DLC1: variants seen among roughly 807,000 people sequenced by gnomAD.
DLC1 encodes the protein rho GTPase-activating protein 7.
DLC1 carries 54 observed loss-of-function variants against 140.3 expected under a neutral mutation model. The observed-to-expected ratio is 0.38, with a 90% confidence interval of 0.31 to 0.48. The LOEUF (loss-of-function observed/expected upper bound fraction) is 0.48. Among genes scored for constraint, DLC1 ranks in the 20% least tolerant of loss-of-function variants. The pLI is 0.96. For synonymous variants in DLC1, 986 were observed against 728.1 expected, an observed-to-expected ratio of 1.35 and a Z score of -5.70; for missense variants, 2,536 against 1,907.0, an observed-to-expected ratio of 1.33 and a Z score of -6.14.
chr8:13,248,850 C>A (rs547913351), intron 5 of DLC1, among the ~76,000 whole-genome samples: 1 of 152,276 alleles, frequency 6.6e-6, no homozygotes, highest in South Asian at 2.1e-4. Context: ...ATTAAAGCTG[C>A]AATTCACCTT....
At chr8:13,369,556 GC>G (rs1835640158) in intron 4 of DLC1, among the ~76,000 whole-genome samples, 1 of 152,070 alleles carries the variant, frequency 6.6e-6, no homozygotes, top group Non-Finnish European at 1.5e-5. Flanking sequence ...TCTTCTAGTA[GC>G]TCGGGCAGAA....
intron 5 of DLC1, among the ~76,000 whole-genome samples, chr8:13,179,572 T>C (rs776528521): frequency 6.6e-6 from 1 of 151,690 alleles, no homozygotes; most frequent in Non-Finnish European, 1.5e-5. Context: ...AATATAGAAA[T>C]TAGCTGGGCA....
chr8:13,299,523 C>G (rs1300339087), intron 5 of DLC1, among the ~76,000 whole-genome samples: 4 of 147,446 alleles, frequency 2.7e-5, no homozygotes, highest in Admixed American at 6.8e-5. Context: ...TTCACTTTGC[C>G]TCTCTCTATC....
Position 13,102,836 on chromosome 8 carries a change from T to G in DLC1, c.1520A>C (p.Asn507Thr), listed in dbSNP as rs1267959690. Residue 507 changes from asparagine (N) to threonine (T), a missense_variant, in exon 8 of 18, where the codon AAC becomes ACC. By Grantham distance (65) the Asn-to-Thr change is moderately conservative (BLOSUM62 0). Transcript: ENST00000276297. ...EALCRRLNTL[N>T]KCAVMKLEIS... Reference sequence around the variant, plus strand: ...TTCTAGCTTCATCACCGCACATTTGTTTAAAGTATTTAGACGCCTATAGAG... The same window carrying G: ...TTCTAGCTTCATCACCGCACATTTGGTTAAAGTATTTAGACGCCTATAGAG... The G allele has an allele frequency of 1.2e-6, 2 of 1,614,076 alleles. No homozygotes were observed. The highest frequency in any genetic ancestry group is 2.2e-5 in the South Asian group (2 of 91,070).
In DLC1 at chr8:13,500,165, A is replaced by G; in HGVS notation, c.-94T>C. The G allele has an allele frequency of 8.5e-7, 1 of 1,175,142 alleles. No homozygotes were observed. The highest frequency in any genetic ancestry group is 2.3e-5 in the Admixed American group (1 of 43,444). The allele number at this position is 1,175,142 out of a possible 1,614,324, so 72.8% of individuals were successfully genotyped here. On this transcript the variant is annotated 5_prime_UTR_variant, in exon 2 of 18. Coordinates refer to ENST00000276297, the MANE Select transcript of DLC1 (RefSeq NM_182643.3). ...AAAGATTATTTCAAAATCACCAATC[A>G]AAGAAGCGAATGAGTTCTGTCATTT...
chr8:13,111,904 G>A (rs1820143099), intron 6 of DLC1, among the ~76,000 whole-genome samples: 1 of 152,112 alleles, frequency 6.6e-6, no homozygotes, highest in Non-Finnish European at 1.5e-5. Flanking sequence ...AGCAGTTTGG[G>A]AGGCCCCAAG....
chr8:13,099,313 G>A, intron 9 of DLC1, 34 bp downstream of exon 9: 1 of 1,587,022 alleles, frequency 6.3e-7, no homozygotes, highest in Non-Finnish European at 8.6e-7. Context: ...GACCCCCAGT[G>A]CCCCACACCC....
At chr8:13,274,110 G>A (rs921397219) in intron 5 of DLC1, among the ~76,000 whole-genome samples, 1 of 152,212 alleles carries the variant, frequency 6.6e-6, no homozygotes, top group Non-Finnish European at 1.5e-5. Flanking sequence ...GGTGTTCAGA[G>A]AAGTGACTTT....
chr8:13,485,486 T>C (rs1034137931), intron 2 of DLC1, among the ~76,000 whole-genome samples: 3 of 152,326 alleles, frequency 2.0e-5, no homozygotes, highest in Admixed American at 1.3e-4. Context: ...ACTGGAACTC[T>C]AGCTTGGCAC....
At chr8:13,223,972 G>T (rs1168651745) in intron 5 of DLC1, among the ~76,000 whole-genome samples, 1 of 152,148 alleles carries the variant, frequency 6.6e-6, no homozygotes, top group Non-Finnish European at 1.5e-5. Flanking sequence ...TAGAGTATGT[G>T]TAAGAAGCTA....
intron 5 of DLC1, among the ~76,000 whole-genome samples, chr8:13,166,580 G>T (rs547489525): frequency 6.6e-6 from 1 of 152,224 alleles, no homozygotes; most frequent in Non-Finnish European, 1.5e-5. Flanking sequence ...TGATCCACCC[G>T]CTGTGGCCTC....
chr8:13,306,226 A>G (rs1339325969), intron 4 of DLC1, among the ~76,000 whole-genome samples: 1 of 152,208 alleles, frequency 6.6e-6, no homozygotes, highest in Non-Finnish European at 1.5e-5. Flanking sequence ...CTCAATCCCC[A>G]GCATTTATCA....
intron 2 of DLC1, among the ~76,000 whole-genome samples, chr8:13,410,946 A>G (rs1363905344): frequency 3.3e-5 from 5 of 152,212 alleles, no homozygotes; most frequent in African/African-American, 1.2e-4. Context: ...AAAGGAGCCT[A>G]AATGAAACCC....
chr8:13,257,307 C>T lies in DLC1; in HGVS notation c.1348+47962G>A, dbSNP rs141600681. Reference sequence around the variant, plus strand: ...AAAAAATCAGCTGAGCAAGGTGGTGCATACCTGTAGTCCTAGCTACTCAGG... The same window carrying T: ...AAAAAATCAGCTGAGCAAGGTGGTGTATACCTGTAGTCCTAGCTACTCAGG... On this transcript the variant is annotated intron_variant, in intron 5 of 17. Transcript: ENST00000276297. 4.5e-3 allele frequency among the ~76,000 whole-genome samples: 691 copies of T among 151,992 alleles called. 9 individuals are homozygous for T. Among genetic ancestry groups the T allele is most frequent in the African/African-American group, 0.016 (666 of 41,442 alleles).
chr8:13,579,245 C>CATACATATATATATATATATAT (rs1554546967), intron 1 of DLC1, among the ~76,000 whole-genome samples: 257 of 18,886 alleles, frequency 0.014, 41 homozygotes, highest in South Asian at 0.022. Context: ...GAACAGGGAG[C>CATACATATATATATATATATAT]ATATATATAT....
chr8:13,317,363 A>G (rs1832901147), intron 4 of DLC1, among the ~76,000 whole-genome samples: 1 of 152,240 alleles, frequency 6.6e-6, no homozygotes, highest in Admixed American at 6.5e-5. Context: ...CATTCAACAT[A>G]AAAGCATAGA....
chr8:13,400,947 G>T (rs1837265604), intron 3 of DLC1, among the ~76,000 whole-genome samples: 1 of 152,152 alleles, frequency 6.6e-6, no homozygotes, highest in Admixed American at 6.5e-5. Flanking sequence ...TCTCAGCTCT[G>T]TCTCTTTCAC....
chr8:13,489,449 A>ACACAC (rs56002951), intron 2 of DLC1, among the ~76,000 whole-genome samples: 11 of 150,016 alleles, frequency 7.3e-5, no homozygotes, highest in South Asian at 4.3e-4. Context: ...ACACACACAC[A>ACACAC]AAATGTTGCT....
At chr8:13,131,395 G>A (rs1308180599) in intron 5 of DLC1, among the ~76,000 whole-genome samples, 1 of 152,164 alleles carries the variant, frequency 6.6e-6, no homozygotes, top group East Asian at 1.9e-4. Flanking sequence ...CTCCCGAGCT[G>A]CAATGTTTTT....
Sources: gnomAD v4.1 joint callset for allele counts (sites outside exome capture counted in the v4.1 genomes callset) on GRCh38, gnomAD v4.1.1 for gene constraint, MANE v1.5 for transcripts, NCBI Gene and HGNC (gene_info 2026-07-23, HGNC 2026-07-21) for gene names.